Variants in AGAP3 observed in about 807,000 individuals in gnomAD.
The protein encoded by AGAP3 is ArfGAP with GTPase domain, ankyrin repeat and PH domain 3.
A neutral mutation model predicts 96.9 loss-of-function variants in AGAP3; 24 were observed. The ratio of observed to expected loss-of-function variants is 0.25; its 90% CI spans 0.18 to 0.35. The LOEUF is 0.35. Ranked by LOEUF, AGAP3 falls within the 10% of genes least tolerant of loss-of-function variation. AGAP3 has a pLI of 1.00. For synonymous variants in AGAP3, 563 were observed against 536.1 expected, an observed-to-expected ratio of 1.05 and a Z score of -0.69; for missense variants, 876 against 1,254.2, an observed-to-expected ratio of 0.70 and a Z score of 4.55.
At chr7:151,127,223 A>G (rs1230329535) in intron 9 of AGAP3, among the ~76,000 whole-genome samples, 2 of 152,210 alleles carry the variant, frequency 1.3e-5, no homozygotes, top group Admixed American at 6.5e-5. Flanking sequence ...CGTCAGGACC[A>G]CGAGCTGCAG....
chr7:151,133,371 G>T lies in AGAP3; in HGVS notation c.1327-1029G>T, dbSNP rs1800470360. On this transcript the variant is annotated intron_variant, in intron 10 of 17. Coordinates refer to ENST00000397238, the MANE Select transcript of AGAP3 (RefSeq NM_031946.7). The surrounding 1 kb of genome is among the most constrained non-coding windows in gnomAD (Gnocchi z 5.4). The stretch of plus-strand genomic sequence containing the variant: ...AACAGTTTAAAGGGAAGCCTCTGGA[G>T]GAGAGGCTGGAAGCAGGAGGCCCAG... 6.6e-6 allele frequency among the ~76,000 whole-genome samples: 1 copy of T among 152,212 alleles called. No homozygotes were observed. The highest frequency in any genetic ancestry group is 2.4e-5 in the African/African-American group (1 of 41,454).
intron 1 of AGAP3, among the ~76,000 whole-genome samples, chr7:151,112,625 G>T (rs1799344793): frequency 6.6e-6 from 1 of 151,972 alleles, no homozygotes; most frequent in South Asian, 2.1e-4. Flanking sequence ...TTGAGACAGG[G>T]TCTCACTCTG....
intron 1 of AGAP3, among the ~76,000 whole-genome samples, chr7:151,100,036 C>T (rs138757860): frequency 2.0e-3 from 305 of 152,270 alleles, no homozygotes; most frequent in African/African-American, 6.9e-3. Context: ...CAGTCAGTGA[C>T]GGATCCCTTC....
chr7:151,122,496 C>T lies in AGAP3; in HGVS notation c.1129-1298C>T, dbSNP rs535103448. ...TGGCCTGTGTCTGCCCAGCAGGTGC[C>T]GCTGCCGCCCGCCGCCGCCGCCGCC... On this transcript the variant is annotated intron_variant, in intron 8 of 17. Coordinates refer to ENST00000397238, the MANE Select transcript of AGAP3 (RefSeq NM_031946.7). Among the ~76,000 whole-genome samples the T allele has an allele frequency of 3.2e-3, 479 of 150,514 alleles. 4 individuals carry two copies. The highest frequency in any genetic ancestry group is 0.011 in the African/African-American group (460 of 40,024).
intron 1 of AGAP3, 73 bp from the exon 2 acceptor site, chr7:151,116,720 G>T: frequency 6.4e-7 from 1 of 1,566,314 alleles, no homozygotes; most frequent in South Asian, 1.1e-5. Context: ...CATCATAGGT[G>T]ACACAGGCAG....
intron 1 of AGAP3, among the ~76,000 whole-genome samples, chr7:151,102,802 G>C (rs1189190975): frequency 5.1e-4 from 78 of 151,990 alleles, no homozygotes; most frequent in Non-Finnish European, 7.4e-5. Context: ...TTTTAGTAGA[G>C]ACGAGGTTTC....
chr7:151,140,030 C>T lies in AGAP3; in HGVS notation c.1718C>T (p.Pro573Leu), dbSNP rs1445634345. ...TCCAGCCCCAAGCTGGATCCTCCCC[C>T]ATCTCCCCACTCCAACCGGAAGAAG... ...LSSSPKLDPP[P>L]SPHSNRKKHR... The change falls in exon 13 of 18, where the codon CCA becomes CTA. Residue 573 changes from proline (P) to leucine (L), a missense_variant. Pro to Leu is a moderately conservative substitution (Grantham distance 98). Coordinates refer to ENST00000397238, the MANE Select transcript of AGAP3 (RefSeq NM_031946.7). The surrounding 1 kb of genome is among the most constrained non-coding windows in gnomAD (Gnocchi z 5.4). 6.2e-7 allele frequency: 1 copy of T among 1,603,820 alleles called. No homozygotes were observed. The highest frequency in any genetic ancestry group is 8.5e-7 in the Non-Finnish European group (1 of 1,175,674).
chr7:151,104,002 T>TGG (rs747109889), intron 1 of AGAP3, among the ~76,000 whole-genome samples: 1 of 151,734 alleles, frequency 6.6e-6, no homozygotes, highest in Non-Finnish European at 1.5e-5. Context: ...CTTAGTGCCG[T>TGG]GGCGGGGGCG....
Position 151,142,078 on chromosome 7 carries a change from A to G in AGAP3, c.1959+26A>G, listed in dbSNP as rs777145806. The G allele has an allele frequency of 6.2e-7, 1 of 1,608,930 alleles. No individual in the cohort carries two copies. The highest frequency in any genetic ancestry group is 2.2e-5 in the East Asian group (1 of 44,784). On this transcript the variant is annotated intron_variant, in intron 14 of 17. Coordinates refer to ENST00000397238, the MANE Select transcript of AGAP3 (RefSeq NM_031946.7). The surrounding 1 kb of genome is among the most constrained non-coding windows in gnomAD (Gnocchi z 7.5). ...GTGGGTACAGAGTGACTGGGCCCAC[A>G]CAGAGCACCTGGCTGGGGTGGGACT...
Position 151,114,598 on chromosome 7 carries a change from C to A in AGAP3, c.332-2195C>A. On this transcript the variant is annotated intron_variant, in intron 1 of 17. Coordinates refer to ENST00000397238, the MANE Select transcript of AGAP3 (RefSeq NM_031946.7). The surrounding 1 kb of genome is among the most constrained non-coding windows in gnomAD (Gnocchi z 4.4). ...TCTCTCTCCGGGCTGGGCTGACTCC[C>A]GGCCTCTCCAGGTCTGGGCTTGCCG... 2 of 561,602 alleles carry A rather than the reference C, an allele frequency of 3.6e-6. No individual in the cohort carries two copies. The highest frequency in any genetic ancestry group is 4.5e-6 in the Non-Finnish European group (2 of 440,788). 34.8% of individuals were successfully genotyped at this position (561,602 alleles called of 1,614,324 possible). A position where few individuals can be genotyped will look rare whatever the true frequency, so the allele number is the denominator to read the frequency against.
chr7:151,098,210 T>C (rs1193401119), intron 1 of AGAP3, among the ~76,000 whole-genome samples: 1 of 151,866 alleles, frequency 6.6e-6, no homozygotes, highest in Non-Finnish European at 1.5e-5. Context: ...AATAGGAAAA[T>C]TAGCCAGGCA....
intron 1 of AGAP3, among the ~76,000 whole-genome samples, chr7:151,098,575 C>T (rs1041380892): frequency 7.2e-5 from 11 of 151,926 alleles, no homozygotes; most frequent in Admixed American, 2.6e-4. Flanking sequence ...ACTGCTTGAA[C>T]CCAGAGTCAA....
rs1001911325 is a variant in AGAP3 at position 151,141,967 on chromosome 7, C to T, written c.1874C>T (p.Thr625Met). 6.3e-6 allele frequency: 10 copies of T among 1,585,664 alleles called. No homozygotes were observed. The highest frequency in any genetic ancestry group is 2.2e-5 in the South Asian group (2 of 90,706). ...TGQTWHFEASTAEERELWVQS... is the reference protein window; with the variant it reads ...TGQTWHFEASMAEERELWVQS... ...CAGACGTGGCACTTCGAGGCTTCAA[C>T]GGCGGAGGAGCGGGAGCTGTGGGTT... is the stretch of plus-strand genomic sequence containing the variant. Residue 625 changes from threonine to methionine, a missense_variant, in exon 14 of 18, where the codon ACG becomes ATG. Coordinates refer to ENST00000397238, the MANE Select transcript of AGAP3 (RefSeq NM_031946.7). The surrounding 1 kb of genome is among the most constrained non-coding windows in gnomAD (Gnocchi z 4.2).
rs993871332 is a variant in AGAP3, at chr7:151,140,906, G to A, written c.1804+790G>A. The stretch of plus-strand genomic sequence containing the variant: ...GGCGCAGTGGTGGTGCCTGGGGAAG[G>A]AGGCGCCGGTTCTATTTCTGTGGGA... On this transcript the variant is annotated intron_variant, in intron 13 of 17. Transcript: ENST00000397238. This position sits in a 1 kb window ranked among gnomAD's most constrained non-coding sequence, Gnocchi z 5.4. The A allele has an allele frequency of 1.3e-5, 2 of 152,248 alleles. No homozygotes were observed. The highest frequency in any genetic ancestry group is 2.4e-5 in the African/African-American group (1 of 41,434). 9.4% of individuals were successfully genotyped at this position (152,248 alleles called of 1,614,324 possible).
rs532296277 is a variant in AGAP3 at position 151,139,006 on chromosome 7, C to A, written c.1666+693C>A. ...CTCTCTCTGCTTTTCTTCTTTTGAC[C>A]CTACTTGTTACTTTCATCATTGACC... On this transcript the variant is annotated intron_variant, in intron 12 of 17. Coordinates refer to ENST00000397238, the MANE Select transcript of AGAP3 (RefSeq NM_031946.7). This position sits in a 1 kb window ranked among gnomAD's most constrained non-coding sequence, Gnocchi z 4.9. Among the ~76,000 whole-genome samples the A allele has an allele frequency of 1.8e-4, 28 of 152,290 alleles. No individual in the cohort carries two copies. The highest frequency in any genetic ancestry group is 6.7e-4 in the African/African-American group (28 of 41,560).
At chr7:151,122,895 C>A in intron 8 of AGAP3, 2 of 1,528,430 alleles carry the variant, frequency 1.3e-6, no homozygotes, top group South Asian at 1.2e-5. Context: ...GCCGAGCTCC[C>A]CACTCCAGAG....
In AGAP3 at chr7:151,142,710, T is replaced by G; in HGVS notation, c.2273+76T>G. 1 of 1,460,030 alleles carries G rather than the reference T, an allele frequency of 6.8e-7. No homozygotes were observed. Among genetic ancestry groups the G allele is most frequent in the Non-Finnish European group, 9.4e-7 (1 of 1,064,696 alleles). The allele number at this position is 1,460,030 out of a possible 1,614,324, so 90.4% of individuals were successfully genotyped here. ...GCTCCCAGCATGGGGAAGATTGGAG[T>G]GGCTGTGATGGTATTAGAAGGGTTA... is the stretch of plus-strand genomic sequence containing the variant. On this transcript the variant is annotated intron_variant, in intron 16 of 17. Transcript: ENST00000397238. This position sits in a 1 kb window ranked among gnomAD's most constrained non-coding sequence, Gnocchi z 7.5.
rs969243486 is a variant in AGAP3 at position 151,141,678 on chromosome 7, G to T, written c.1805-220G>T. On this transcript the variant is annotated intron_variant, in intron 13 of 17. Coordinates refer to ENST00000397238, the MANE Select transcript of AGAP3 (RefSeq NM_031946.7). The surrounding 1 kb of genome is among the most constrained non-coding windows in gnomAD (Gnocchi z 4.2). ...CATCTGTTTTCACTTAAGCTCCACAGGTGGTTAGGAATGAGAACTGGGAGC... is the reference window on the plus strand; with the variant it reads ...CATCTGTTTTCACTTAAGCTCCACATGTGGTTAGGAATGAGAACTGGGAGC... The T allele has an allele frequency of 1.9e-5, 11 of 585,440 alleles. No individual in the cohort carries two copies. Among genetic ancestry groups the T allele is most frequent in the Admixed American group, 3.0e-5 (1 of 33,390 alleles). 36.3% of individuals were successfully genotyped at this position (585,440 alleles called of 1,614,324 possible).
intron 1 of AGAP3, chr7:151,115,530 G>C (rs1196413593): frequency 9.4e-7 from 1 of 1,065,356 alleles, no homozygotes; most frequent in East Asian, 6.7e-5. Flanking sequence ...CACCGCCGCC[G>C]GCCTCTGGAG....
Sources: gnomAD v4.1 joint callset for allele counts (sites outside exome capture counted in the v4.1 genomes callset) on GRCh38, gnomAD v4.1.1 for gene constraint, Gnocchi (gnomAD v3.1) non-coding constraint, MANE v1.5 for transcripts, NCBI Gene and HGNC (gene_info 2026-07-23, HGNC 2026-07-21) for gene names.